The following ARHGAP6 variants were observed in gnomAD, a reference collection of about 807,000 sequenced individuals.
ARHGAP6 encodes the protein rho GTPase-activating protein 6.
A neutral mutation model predicts 55.7 loss-of-function variants in ARHGAP6; 16 were observed. That is an observed-to-expected ratio of 0.29 (90% CI 0.19 to 0.44). The LOEUF (loss-of-function observed/expected upper bound fraction) is 0.44, where lower values mean the gene tolerates loss of function less well. Ranked by LOEUF, ARHGAP6 falls within the 20% of genes least tolerant of loss-of-function variation. The probability of loss-of-function intolerance (pLI) is 1.00; values close to 1 mark genes in which losing one functional copy is unlikely to be tolerated. For missense variants in ARHGAP6, 698 were observed against 808.9 expected, an observed-to-expected ratio of 0.86 and a Z score of 1.66; for synonymous variants, 382 against 360.9, an observed-to-expected ratio of 1.06 and a Z score of -0.66.
chrX:11,496,892 C>T (rs1252125944), intron 1 of ARHGAP6, among the ~76,000 whole-genome samples: 1 of 112,185 alleles, frequency 8.9e-6, no homozygotes, highest in Non-Finnish European at 1.9e-5. Context: ...AATCCTCCTG[C>T]CCCTTATTTT....
chrX:11,314,114 G>A (rs765516398), intron 1 of ARHGAP6, among the ~76,000 whole-genome samples: 5 of 112,621 alleles, frequency 4.4e-5, no homozygotes, highest in African/African-American at 1.6e-4. Context: ...TGTACATTAC[G>A]AATTGTTTTT....
At chrX:11,391,556 C>T (rs1012537022) in intron 1 of ARHGAP6, among the ~76,000 whole-genome samples, 5 of 111,876 alleles carry the variant, frequency 4.5e-5, no homozygotes, top group Non-Finnish European at 9.4e-5. Flanking sequence ...TGATGAATCC[C>T]ATTTCCACGT....
intron 1 of ARHGAP6, among the ~76,000 whole-genome samples, chrX:11,513,588 T>A: frequency 9.0e-6 from 1 of 111,370 alleles, no homozygotes; most frequent in Non-Finnish European, 1.9e-5. Flanking sequence ...TGGCACTGAA[T>A]CCGTAATAGT....
chrX:11,568,167 T>G (rs1445576926), intron 1 of ARHGAP6, among the ~76,000 whole-genome samples: 1 of 111,817 alleles, frequency 8.9e-6, no homozygotes, highest in African/African-American at 3.3e-5. Context: ...AAAAAAAGTC[T>G]GTCAACTGCA....
chrX:11,325,413 T>C (rs2048486383), intron 1 of ARHGAP6, among the ~76,000 whole-genome samples: 1 of 112,331 alleles, frequency 8.9e-6, no homozygotes, highest in Non-Finnish European at 1.9e-5. Flanking sequence ...GGACAAAATA[T>C]GAAAGCTATT....
intron 1 of ARHGAP6, among the ~76,000 whole-genome samples, chrX:11,417,846 G>A (rs2049773286): frequency 8.9e-6 from 1 of 111,742 alleles, no homozygotes; most frequent in African/African-American, 3.3e-5. Context: ...ACAGACATAA[G>A]GTCAGAGCTT....
intron 9 of ARHGAP6, among the ~76,000 whole-genome samples, chrX:11,166,397 T>C (rs1351386142): frequency 8.9e-6 from 1 of 111,979 alleles, no homozygotes; most frequent in East Asian, 2.8e-4. Context: ...CTTTCCGAGC[T>C]CTTAAACCCA....
At chrX:11,381,676 G>T (rs1201702581) in intron 1 of ARHGAP6, among the ~76,000 whole-genome samples, 1 of 111,953 alleles carries the variant, frequency 8.9e-6, no homozygotes, top group East Asian at 2.8e-4. Flanking sequence ...CTTTCTCACA[G>T]AGTCACACAT....
At chrX:11,316,655 T>G (rs2048362990) in intron 1 of ARHGAP6, among the ~76,000 whole-genome samples, 1 of 112,447 alleles carries the variant, frequency 8.9e-6, no homozygotes. Flanking sequence ...TCTCTTGAAT[T>G]TATTCCTTTT....
intron 2 of ARHGAP6, among the ~76,000 whole-genome samples, chrX:11,214,929 G>A: frequency 8.8e-6 from 1 of 113,444 alleles, no homozygotes. Flanking sequence ...GGATGACCGT[G>A]TGAAGCACCG....
intron 1 of ARHGAP6, among the ~76,000 whole-genome samples, chrX:11,503,754 T>G (rs1466293741): frequency 9.0e-6 from 1 of 111,166 alleles, no homozygotes; most frequent in African/African-American, 3.3e-5. Flanking sequence ...GTTCTGCAAC[T>G]CAAAGAAATG....
chrX:11,273,138 G>A (rs2047712170), intron 1 of ARHGAP6, among the ~76,000 whole-genome samples: 1 of 109,503 alleles, frequency 9.1e-6, no homozygotes, highest in African/African-American at 3.3e-5. Context: ...TTTTTTTTTG[G>A]TAAATAAAGC....
chrX:11,558,232 A>G (rs1292158317), intron 1 of ARHGAP6, among the ~76,000 whole-genome samples: 1 of 111,772 alleles, frequency 8.9e-6, no homozygotes, highest in Non-Finnish European at 1.9e-5. Flanking sequence ...TGGCTTATCC[A>G]TAACATCTGG....
At chrX:11,567,232 G>C (rs1385991066) in intron 1 of ARHGAP6, among the ~76,000 whole-genome samples, 5 of 111,580 alleles carry the variant, frequency 4.5e-5, no homozygotes, top group Non-Finnish European at 9.4e-5. Context: ...ACAAGGATTT[G>C]AGTGTAAGTA....
intron 1 of ARHGAP6, among the ~76,000 whole-genome samples, chrX:11,408,215 C>T (rs928386676): frequency 9.0e-6 from 1 of 110,990 alleles, no homozygotes; most frequent in African/African-American, 3.3e-5. Context: ...GCAGAGTTCA[C>T]TGAAGTAAAC....
chrX:11,297,107 C>T (rs2048098955), intron 1 of ARHGAP6, among the ~76,000 whole-genome samples: 1 of 111,709 alleles, frequency 9.0e-6, no homozygotes. Context: ...CATGATAGGG[C>T]AAAAAGTAAA....
chrX:11,204,484 G>T (rs1327516866), intron 2 of ARHGAP6, among the ~76,000 whole-genome samples: 2 of 111,821 alleles, frequency 1.8e-5, no homozygotes, highest in Non-Finnish European at 3.8e-5. Flanking sequence ...TAAATTAGTT[G>T]ATCTTTCTCC....
chrX:11,536,276 C>T (rs2051103071), intron 1 of ARHGAP6, among the ~76,000 whole-genome samples: 1 of 112,131 alleles, frequency 8.9e-6, no homozygotes, highest in South Asian at 3.7e-4. Context: ...GCCAGAAGTG[C>T]CAGGGACCTA....
At chrX:11,362,650 T>TATC (rs2049027734) in intron 1 of ARHGAP6, among the ~76,000 whole-genome samples, 1 of 108,199 alleles carries the variant, frequency 9.2e-6, no homozygotes, top group Non-Finnish European at 1.9e-5. Context: ...AAACTTAAAG[T>TATC]ATAATAATAA....
Sources: allele counts gnomAD v4.1 joint callset (sites outside exome capture counted in the v4.1 genomes callset), GRCh38; gene constraint gnomAD v4.1.1; transcripts MANE v1.5; gene names NCBI Gene and HGNC (gene_info 2026-07-23, HGNC 2026-07-21).